NEK7: variants seen among roughly 807,000 people sequenced by gnomAD.
The protein encoded by NEK7 is serine/threonine-protein kinase Nek7.
In NEK7, 18 loss-of-function variants were observed where a neutral mutation model predicts 44.6. The ratio of observed to expected loss-of-function variants is 0.40; its 90% CI spans 0.28 to 0.60. The LOEUF is 0.60. Ranked by LOEUF, NEK7 falls within the 20% of genes least tolerant of loss-of-function variation. The pLI, the probability that NEK7 is intolerant of heterozygous loss-of-function variation, is 0.38. For synonymous variants in NEK7, 130 were observed against 121.1 expected (o/e 1.07, Z -0.48); for missense variants, 256 against 366.5 (o/e 0.70, Z 2.46).
chr1:198,225,038 G>C (rs537886279), intron 1 of NEK7, among the ~76,000 whole-genome samples: 1 of 152,042 alleles, frequency 6.6e-6, no homozygotes, highest in African/African-American at 2.4e-5. Flanking sequence ...TCATATAACA[G>C]TAGTAGTCAA....
At chr1:198,202,161 AG>A (rs1165635034) in intron 1 of NEK7, among the ~76,000 whole-genome samples, 7 of 152,184 alleles carry the variant, frequency 4.6e-5, no homozygotes, top group Non-Finnish European at 1.0e-4. Flanking sequence ...GCAGCACTAG[AG>A]ATCCACATTA....
At chr1:198,218,826 T>C (rs1666000901) in intron 1 of NEK7, among the ~76,000 whole-genome samples, 1 of 151,318 alleles carries the variant, frequency 6.6e-6, no homozygotes, top group South Asian at 2.1e-4. Flanking sequence ...TCACTTATCA[T>C]CAGGAAAATA....
chr1:198,315,997 GAA>G (rs928233058), intron 9 of NEK7, among the ~76,000 whole-genome samples: 2 of 152,146 alleles, frequency 1.3e-5, no homozygotes, highest in Non-Finnish European at 2.9e-5. Context: ...AGTGAAACAG[GAA>G]AAGAGTTAAG....
chr1:198,198,093 T>C, intron 1 of NEK7: 2 of 1,396,626 alleles, frequency 1.4e-6, no homozygotes, highest in South Asian at 2.8e-5. Flanking sequence ...GGTGGATTGA[T>C]AGGTGGTGGG....
intron 1 of NEK7, among the ~76,000 whole-genome samples, chr1:198,226,937 A>G (rs1666245551): frequency 6.6e-6 from 1 of 152,032 alleles, no homozygotes; most frequent in South Asian, 2.1e-4. Flanking sequence ...TTACATATGT[A>G]TACATGTGCC....
At chr1:198,209,409 C>A (rs1263530464) in intron 1 of NEK7, among the ~76,000 whole-genome samples, 1 of 152,060 alleles carries the variant, frequency 6.6e-6, no homozygotes, top group African/African-American at 2.4e-5. Context: ...CTGTTCCAAG[C>A]ACTGTAGGGA....
At chr1:198,240,499 CA>C (rs11415702) in intron 2 of NEK7, among the ~76,000 whole-genome samples, 25,071 of 123,196 alleles carry the variant, frequency 0.2, 2,800 homozygotes, top group African/African-American at 0.33. Flanking sequence ...GACTCCGTCT[CA>C]AAAAAAAAAA....
chr1:198,185,102 G>A (rs1664878158), intron 1 of NEK7, among the ~76,000 whole-genome samples: 1 of 151,344 alleles, frequency 6.6e-6, no homozygotes, highest in Non-Finnish European at 1.5e-5. Flanking sequence ...ATACAAGCAA[G>A]CATCGAATAT....
At chr1:198,307,321 C>T (rs769627808) in intron 9 of NEK7, among the ~76,000 whole-genome samples, 1 of 151,996 alleles carries the variant, frequency 6.6e-6, no homozygotes, top group Non-Finnish European at 1.5e-5. Context: ...CAGCAAATAC[C>T]TAAGTGATGT....
chr1:198,257,985 T>C (rs1265957762), intron 3 of NEK7, among the ~76,000 whole-genome samples: 2 of 152,042 alleles, frequency 1.3e-5, no homozygotes, highest in Non-Finnish European at 2.9e-5. Flanking sequence ...AATCAAATAA[T>C]TATAGCCAAA....
chr1:198,234,137 G>T (rs1424368540), intron 2 of NEK7, among the ~76,000 whole-genome samples: 1 of 151,922 alleles, frequency 6.6e-6, no homozygotes, highest in African/African-American at 2.4e-5. Flanking sequence ...CCTGTAGCAG[G>T]GGCTCAATAA....
intron 1 of NEK7, among the ~76,000 whole-genome samples, chr1:198,173,448 G>C (rs1028031004): frequency 6.7e-6 from 1 of 149,384 alleles, no homozygotes; most frequent in Non-Finnish European, 1.5e-5. Context: ...AAAAAAAAAA[G>C]GACAGCTTTT....
intron 1 of NEK7, among the ~76,000 whole-genome samples, chr1:198,179,948 T>C (rs1315081254): frequency 6.6e-6 from 1 of 152,142 alleles, no homozygotes; most frequent in South Asian, 2.1e-4. Context: ...TTTGGTTAAG[T>C]TGTGTAACTT....
At position 198,157,072 on chromosome 1, in the gene NEK7, C is replaced by A. The variant is rs986050180; in HGVS notation, c.-233C>A. On this transcript the variant is annotated 5_prime_UTR_variant, in exon 1 of 10. Coordinates refer to ENST00000367385, the MANE Select transcript of NEK7 (RefSeq NM_133494.3). ...GATGGGCCGCCGCTAGGCTCGCACT[C>A]CGGACGCGCCTCGCAGTGCGCAGGG... The A allele has an allele frequency of 6.6e-6, 1 of 152,012 alleles. No homozygotes were observed. Among genetic ancestry groups the A allele is most frequent in the Non-Finnish European group, 1.5e-5 (1 of 67,988 alleles). The allele number at this position is 152,012 out of a possible 1,614,324, so 9.4% of individuals were successfully genotyped here.
At chr1:198,193,723 A>G (rs1665145007) in intron 1 of NEK7, among the ~76,000 whole-genome samples, 1 of 152,216 alleles carries the variant, frequency 6.6e-6, no homozygotes, top group Non-Finnish European at 1.5e-5. Context: ...AGATGCAGAA[A>G]AGGCCTTTGA....
At chr1:198,169,242 G>A (rs1448978104) in intron 1 of NEK7, among the ~76,000 whole-genome samples, 1 of 152,162 alleles carries the variant, frequency 6.6e-6, no homozygotes, top group African/African-American at 2.4e-5. Flanking sequence ...TTAGAAATAG[G>A]TAGCTAAATG....
At chr1:198,287,582 T>G (rs1207543573) in intron 7 of NEK7, among the ~76,000 whole-genome samples, 1 of 152,218 alleles carries the variant, frequency 6.6e-6, no homozygotes, top group Non-Finnish European at 1.5e-5. Context: ...ACATTTACTT[T>G]TCAAGGGAGA....
intron 1 of NEK7, among the ~76,000 whole-genome samples, chr1:198,230,559 A>G (rs962252220): frequency 2.0e-5 from 3 of 152,238 alleles, no homozygotes; most frequent in Middle Eastern, 3.4e-3. Context: ...AAAAATGTAT[A>G]GCTAACATAA....
chr1:198,295,658 A>G (rs1023312443), intron 8 of NEK7, among the ~76,000 whole-genome samples: 8 of 151,938 alleles, frequency 5.3e-5, no homozygotes, highest in Non-Finnish European at 8.8e-5. Context: ...GTACTGAGAA[A>G]AAGGACTATA....
Sources: allele counts gnomAD v4.1 joint callset (sites outside exome capture counted in the v4.1 genomes callset), GRCh38; gene constraint gnomAD v4.1.1; transcripts MANE v1.5; gene names NCBI Gene and HGNC (gene_info 2026-07-23, HGNC 2026-07-21).